ZAN: variants seen among roughly 807,000 people sequenced by gnomAD.
ZAN encodes the protein zonadhesin, also known as zonadhesin (gene/pseudogene).
Under a neutral mutation model 286.2 loss-of-function variants are expected in ZAN, and 260 were observed. The ratio of observed to expected loss-of-function variants is 0.91; its 90% CI spans 0.82 to 1.01. ZAN has a LOEUF of 1.01. ZAN is among the 50% of genes least tolerant of loss of function. The probability of loss-of-function intolerance (pLI) is 0.00; values close to 1 mark genes in which losing one functional copy is unlikely to be tolerated. For missense variants in ZAN, 3,410 were observed against 3,639.2 expected (o/e 0.94, Z 1.62); for synonymous variants, 1,368 against 1,417.5 (o/e 0.97, Z 0.79).
intron 35 of ZAN, among the ~76,000 whole-genome samples, chr7:100,782,583 G>A (rs879916385): frequency 5.3e-5 from 8 of 152,140 alleles, no homozygotes; most frequent in African/African-American, 1.2e-4. Flanking sequence ...TGCCCGCCTC[G>A]TCCTCCCCAA....
At position 100,767,122 on chromosome 7, in the gene ZAN, G is replaced by T. The variant is rs759876241; in HGVS notation, c.4725G>T (p.Arg1575Ser). 6.2e-7 allele frequency: 1 copy of T among 1,613,868 alleles called. No homozygotes were observed. The highest frequency in any genetic ancestry group is 2.2e-5 in the East Asian group (1 of 44,874). ...TYVLTRPCWSRSQDSYFVVSA... is the reference protein window; with the variant it reads ...TYVLTRPCWSSSQDSYFVVSA... ...TCCTGACCCGGCCTTGCTGGTCCAG[G>T]TCCCAAGACAGCTATTTTGTTGTGA... The change falls in exon 25 of 48, where the codon AGG (arginine) becomes AGT (serine). Residue 1575 changes from arginine (R) to serine (S), a missense_variant. Arg to Ser is a moderately radical substitution (Grantham distance 110). This residue lies in a region of ZAN where 1,042 missense variants were observed against 1,058.0 expected (regional missense o/e 0.98). Coordinates refer to ENST00000613979, the MANE Select transcript of ZAN (RefSeq NM_003386.3).
intron 42 of ZAN, 147 bp downstream of exon 42, chr7:100,792,626 T>C (rs1812064137): frequency 1.4e-6 from 2 of 1,450,980 alleles, no homozygotes; most frequent in African/African-American, 1.4e-5. Flanking sequence ...CATTGCCTCA[T>C]CTCGGGCTTT....
In ZAN at chr7:100,752,142, A is replaced by G. The variant is rs1808734168; in HGVS notation, c.2037A>G (p.Thr679=). ...CCATGGAAGAGCCTGTCATCCCTAC[A>G]GAAAAACCCAGCATCCCTACAGAAA... The part of the protein sequence containing the change: ...TTSMEEPVIP[T]EKPSIPTEKP... The change falls in exon 14 of 48, where the codon ACA becomes ACG. Residue 679 remains threonine, a synonymous_variant. Transcript: ENST00000613979. 6.2e-7 allele frequency: 1 copy of G among 1,611,214 alleles called. No individual in the cohort carries two copies. The highest frequency in any genetic ancestry group is 8.5e-7 in the Non-Finnish European group (1 of 1,179,114).
intron 35 of ZAN, among the ~76,000 whole-genome samples, chr7:100,780,965 ATGC>A (rs1811161903): frequency 3.9e-5 from 6 of 152,042 alleles, no homozygotes; most frequent in Admixed American, 3.9e-4. Context: ...AGAAAACTAT[ATGC>A]TCTGTGCTTT....
In ZAN at chr7:100,782,662, A is replaced by G. The variant is rs569984256; in HGVS notation, c.6623-1961A>G. On this transcript the variant is annotated intron_variant, in intron 35 of 47. Coordinates refer to ENST00000613979, the MANE Select transcript of ZAN (RefSeq NM_003386.3). ...AGAACTTTTATGGTTTCATTTTTTTATATTTAAGTGGGTTTTTTTTGTGTG... is the reference window on the plus strand; with the variant it reads ...AGAACTTTTATGGTTTCATTTTTTTGTATTTAAGTGGGTTTTTTTTGTGTG... Among the ~76,000 whole-genome samples the G allele has an allele frequency of 1.9e-4, 25 of 134,082 alleles. No individual in the cohort carries two copies. The Admixed American group carries it at 1.9e-3, about 10-fold the overall frequency. 88.0% of individuals were successfully genotyped at this position (134,082 alleles called of 152,430 possible).
chr7:100,744,459 C>A (rs1230081925), intron 7 of ZAN, among the ~76,000 whole-genome samples: 1 of 150,844 alleles, frequency 6.6e-6, no homozygotes, highest in Non-Finnish European at 1.5e-5. Context: ...ATTAGCTGGG[C>A]TTGGTGGTGT....
chr7:100,759,694 G>A, intron 17 of ZAN, 27 bp from the exon 18 acceptor site: 1 of 1,566,276 alleles, frequency 6.4e-7, no homozygotes, highest in Non-Finnish European at 8.7e-7. Flanking sequence ...GAGCCACTGG[G>A]CTCTCTTCAT....
intron 27 of ZAN, among the ~76,000 whole-genome samples, chr7:100,769,351 C>T (rs1307665908): frequency 6.6e-6 from 1 of 152,128 alleles, no homozygotes; most frequent in African/African-American, 2.4e-5. Context: ...GCCTTGGCCT[C>T]CCAAAGTGCT....
At chr7:100,759,227 CTG>C (rs1006934560) in intron 17 of ZAN, among the ~76,000 whole-genome samples, 1 of 142,036 alleles carries the variant, frequency 7.0e-6, no homozygotes, top group African/African-American at 2.7e-5. Context: ...GAGCAAAACT[CTG>C]TCTCAGAAAA....
Position 100,775,773 on chromosome 7 carries a change from A to C in ZAN, c.6132A>C (p.Gln2044His). The change falls in exon 33 of 48, where the codon CAA becomes CAC. Residue 2044 changes from glutamine (Q) to histidine (H), a missense_variant. Gln to His is a conservative substitution (Grantham distance 24). Around this residue, in one of 7 missense-constraint regions of ZAN, gnomAD observed 1,289 missense variants for 1,314.3 expected, o/e 0.98. Coordinates refer to ENST00000613979, the MANE Select transcript of ZAN (RefSeq NM_003386.3). ...TTGTTAACATCAAGATCGGGGTGCA[A>C]GTCAAGTTTGACGGGAATCATCTCT... ...YSIVNIKIGV[Q>H]VKFDGNHLLE... 1 of 1,613,900 alleles carries C rather than the reference A, an allele frequency of 6.2e-7. No homozygotes were observed. The highest frequency in any genetic ancestry group is 2.2e-5 in the East Asian group (1 of 44,874).
At chr7:100,754,107 T>TA (rs1808981286) in intron 14 of ZAN, among the ~76,000 whole-genome samples, 2 of 152,004 alleles carry the variant, frequency 1.3e-5, no homozygotes, top group African/African-American at 4.8e-5. Context: ...TTTCACTGAG[T>TA]GTAATGTTTT....
Position 100,784,845 on chromosome 7 carries a change from A to G in ZAN, c.6834+11A>G. On this transcript the variant is annotated intron_variant, in intron 36 of 47. Transcript: ENST00000613979. Reference sequence around the variant, plus strand: ...GGTGGCTCCATCCCTGTGAGTGGGCATGGGAAATGGGACTGGAGGCAACAC... The same window carrying G: ...GGTGGCTCCATCCCTGTGAGTGGGCGTGGGAAATGGGACTGGAGGCAACAC... The G allele has an allele frequency of 6.3e-7, 1 of 1,574,962 alleles. No homozygotes were observed. Among genetic ancestry groups the G allele is most frequent in the Non-Finnish European group, 8.6e-7 (1 of 1,158,176 alleles).
chr7:100,778,438 T>G (rs569809584), intron 34 of ZAN, among the ~76,000 whole-genome samples: 13 of 121,492 alleles, frequency 1.1e-4, no homozygotes, highest in African/African-American at 3.8e-4. Context: ...ACCTCATCTC[T>G]ACAGAAAAAA....
intron 25 of ZAN, 47 bp from the exon 26 acceptor site, chr7:100,767,784 C>G (rs559794583): frequency 3.2e-6 from 5 of 1,576,616 alleles, no homozygotes; most frequent in Non-Finnish European, 4.3e-6. Context: ...GCCTTTATCC[C>G]GAGTTCTTTC....
intron 35 of ZAN, 62 bp downstream of exon 35, chr7:100,779,812 T>A: frequency 6.9e-7 from 1 of 1,454,176 alleles, no homozygotes; most frequent in Non-Finnish European, 9.2e-7. Flanking sequence ...TCTGCTTCCC[T>A]GAGAGCTCCC....
intron 7 of ZAN, among the ~76,000 whole-genome samples, chr7:100,746,088 G>A (rs970809610): frequency 4.0e-5 from 6 of 151,884 alleles, no homozygotes; most frequent in East Asian, 3.9e-4. Context: ...TTAGCAGGGC[G>A]TGGTGGCGCA....
chr7:100,785,906 G>T, intron 36 of ZAN, 91 bp from the exon 37 acceptor site: 1 of 1,479,520 alleles, frequency 6.8e-7, no homozygotes, highest in Non-Finnish European at 9.0e-7. Context: ...TGATCCACCC[G>T]TCTCGGCCTC....
rs1174470626 is a variant in ZAN at position 100,791,824 on chromosome 7, C to T, written c.7530-142C>T. ...CTCACTGCAGTTTCCACCTCCTGGG[C>T]TCAAGTCATCCTCCTGCCTCAGCCT... On this transcript the variant is annotated intron_variant, in intron 40 of 47. Coordinates refer to ENST00000613979, the MANE Select transcript of ZAN (RefSeq NM_003386.3). 17 of 1,001,496 alleles carry T rather than the reference C, an allele frequency of 1.7e-5. No homozygotes were observed. In the East Asian group the frequency reaches 4.6e-4, roughly 27 times the overall value. 62.0% of individuals were successfully genotyped at this position (1,001,496 alleles called of 1,614,324 possible). A position where few individuals can be genotyped will look rare whatever the true frequency, so the allele number is the denominator to read the frequency against.
In ZAN at chr7:100,752,924, A is replaced by T; in HGVS notation, c.2819A>T (p.Lys940Ile). Residue 940 changes from lysine (K) to isoleucine (I), a missense_variant, in exon 14 of 48, where the codon AAA becomes ATA. Physicochemically the swap from Lys to Ile is moderately radical, Grantham distance 102 (BLOSUM62 -3). This residue lies in a region of ZAN where 1,042 missense variants were observed against 1,058.0 expected (regional missense o/e 0.98). Transcript: ENST00000613979. ...PTEETTISTE[K>I]LTIPTEKPTI... is the part of the protein sequence containing the mutation. ...GAAGAGACTACCATCTCCACAGAAA[A>T]ACTCACCATCCCCACAGAAAAACCC... is the stretch of plus-strand genomic sequence containing the variant. 1 of 1,609,938 alleles carries T rather than the reference A, an allele frequency of 6.2e-7. No homozygotes were observed. The highest frequency in any genetic ancestry group is 8.5e-7 in the Non-Finnish European group (1 of 1,178,870).
Sources: allele counts gnomAD v4.1 joint callset (sites outside exome capture counted in the v4.1 genomes callset), GRCh38; gene constraint gnomAD v4.1.1; regional missense constraint gnomAD v4.1.1; transcripts MANE v1.5; gene names NCBI Gene and HGNC (gene_info 2026-07-23, HGNC 2026-07-21).